Variants in CAMKMT observed in about 807,000 individuals in gnomAD.
CAMKMT encodes the protein CaM KMT.
Under a neutral mutation model 48.0 loss-of-function variants are expected in CAMKMT, and 53 were observed. The ratio of observed to expected loss-of-function variants is 1.10; its 90% CI spans 0.89 to 1.39. The LOEUF (loss-of-function observed/expected upper bound fraction) is 1.39. CAMKMT is among the 40% of genes most tolerant of loss of function. The pLI is 0.00. For missense variants in CAMKMT, 428 were observed against 402.7 expected, an observed-to-expected ratio of 1.06 and a Z score of -0.54; for synonymous variants, 165 against 152.3, an observed-to-expected ratio of 1.08 and a Z score of -0.61.
At chr2:44,427,534 C>G (rs567957766) in intron 3 of CAMKMT, among the ~76,000 whole-genome samples, 3 of 152,136 alleles carry the variant, frequency 2.0e-5, no homozygotes, top group Admixed American at 6.5e-5. Context: ...AAGTGGCCAA[C>G]AAACATGAAA....
At chr2:44,603,810 G>A (rs897853824) in intron 3 of CAMKMT, among the ~76,000 whole-genome samples, 3 of 152,144 alleles carry the variant, frequency 2.0e-5, no homozygotes, top group African/African-American at 4.8e-5. Context: ...TTGAGATGCT[G>A]GCTGGATTCA....
At chr2:44,378,065 A>G (rs1300751123) in intron 2 of CAMKMT, among the ~76,000 whole-genome samples, 1 of 152,246 alleles carries the variant, frequency 6.6e-6, no homozygotes, top group African/African-American at 2.4e-5. Context: ...TTAAAAGCAT[A>G]GTTTTATTGT....
intron 3 of CAMKMT, among the ~76,000 whole-genome samples, chr2:44,634,896 T>C (rs572317202): frequency 1.3e-5 from 2 of 152,200 alleles, no homozygotes; most frequent in South Asian, 4.2e-4. Context: ...GTTTCATTAA[T>C]TAATCATTCA....
chr2:44,627,318 T>C (rs1672537248), intron 3 of CAMKMT, among the ~76,000 whole-genome samples: 1 of 152,212 alleles, frequency 6.6e-6, no homozygotes, highest in African/African-American at 2.4e-5. Context: ...TCTATGTTCA[T>C]ACTAGTTACA....
intron 7 of CAMKMT, among the ~76,000 whole-genome samples, chr2:44,716,984 A>C (rs1678207115): frequency 6.6e-6 from 1 of 152,180 alleles, no homozygotes; most frequent in African/African-American, 2.4e-5. Context: ...CATTTTGAGG[A>C]ACAAAAATGT....
At chr2:44,404,110 G>A (rs888564596) in intron 3 of CAMKMT, among the ~76,000 whole-genome samples, 1 of 152,156 alleles carries the variant, frequency 6.6e-6, no homozygotes, top group African/African-American at 2.4e-5. Context: ...AGGCAGGAGT[G>A]ATGTTTTGTT....
At chr2:44,452,357 AT>A (rs1387472676) in intron 3 of CAMKMT, among the ~76,000 whole-genome samples, 1 of 151,948 alleles carries the variant, frequency 6.6e-6, no homozygotes, top group African/African-American at 2.4e-5. Context: ...TTGAGAGAGA[AT>A]TTTTTCCTTA....
At chr2:44,379,822 A>G (rs1006645450) in intron 2 of CAMKMT, among the ~76,000 whole-genome samples, 1 of 150,074 alleles carries the variant, frequency 6.7e-6, no homozygotes, top group African/African-American at 2.5e-5. Context: ...TGTGTTTTTA[A>G]TTGAGCTGTC....
At chr2:44,526,684 G>A (rs553561708) in intron 3 of CAMKMT, among the ~76,000 whole-genome samples, 1 of 152,102 alleles carries the variant, frequency 6.6e-6, no homozygotes, top group African/African-American at 2.4e-5. Context: ...CAACTGATTG[G>A]ATGATGCCCA....
intron 3 of CAMKMT, among the ~76,000 whole-genome samples, chr2:44,646,690 A>T (rs751358643): frequency 3.3e-5 from 5 of 152,178 alleles, no homozygotes; most frequent in Admixed American, 6.5e-5. Flanking sequence ...GAATCTCAAT[A>T]ATCTTACATT....
intron 3 of CAMKMT, among the ~76,000 whole-genome samples, chr2:44,529,807 T>C (rs1377930831): frequency 1.3e-5 from 2 of 152,248 alleles, no homozygotes; most frequent in African/African-American, 4.8e-5. Flanking sequence ...TGTGGACTTC[T>C]GTTGTTATTT....
At chr2:44,513,181 A>G (rs534255717) in intron 3 of CAMKMT, among the ~76,000 whole-genome samples, 1 of 152,246 alleles carries the variant, frequency 6.6e-6, no homozygotes, top group South Asian at 2.1e-4. Context: ...TGTGTGGCCT[A>G]CTGCAGACAG....
At chr2:44,415,898 A>G (rs116913670) in intron 3 of CAMKMT, among the ~76,000 whole-genome samples, 2 of 152,342 alleles carry the variant, frequency 1.3e-5, no homozygotes, top group East Asian at 3.9e-4. Flanking sequence ...TATGTTTTAA[A>G]TTCAAATATT....
chr2:44,516,028 C>G (rs1453047311), intron 3 of CAMKMT, among the ~76,000 whole-genome samples: 1 of 151,914 alleles, frequency 6.6e-6, no homozygotes, highest in Non-Finnish European at 1.5e-5. Flanking sequence ...TCATTATTAC[C>G]AAGCTTCTGT....
chr2:44,608,720 A>G lies in CAMKMT; in HGVS notation c.377-95563A>G, dbSNP rs111837088. Among the ~76,000 whole-genome samples, 539 of 152,196 alleles carry G rather than the reference A, an allele frequency of 3.5e-3. 4 individuals carry two copies. Among genetic ancestry groups the G allele is most frequent in the African/African-American group, 0.012 (514 of 41,516 alleles). On this transcript the variant is annotated intron_variant, in intron 3 of 10. Coordinates refer to ENST00000378494, the MANE Select transcript of CAMKMT (RefSeq NM_024766.5). Reference sequence around the variant, plus strand: ...AATCAGAATCCACTGTATTTGGCTGATATTTCTCCTGAATCCTTAAACTTA... The same window carrying G: ...AATCAGAATCCACTGTATTTGGCTGGTATTTCTCCTGAATCCTTAAACTTA...
intron 3 of CAMKMT, among the ~76,000 whole-genome samples, chr2:44,681,240 A>C (rs1199027922): frequency 6.6e-6 from 1 of 152,172 alleles, no homozygotes; most frequent in Non-Finnish European, 1.5e-5. Context: ...TTCAGTTGAC[A>C]TCTGTTTCTA....
chr2:44,556,764 C>T lies in CAMKMT; in HGVS notation c.377-147519C>T, dbSNP rs1275997905. Among the ~76,000 whole-genome samples the T allele has an allele frequency of 9.9e-4, 23 of 23,310 alleles. 8 individuals are homozygous for T. Among genetic ancestry groups the T allele is most frequent in the Non-Finnish European group, 2.6e-3 (23 of 8,990 alleles). 15.3% of individuals were successfully genotyped at this position (23,310 alleles called of 152,430 possible). The stretch of plus-strand genomic sequence containing the variant: ...GATTACAGGCGTGAGCCACCGCGCC[C>T]GGCCCTCTTTTTTTTTTTTAAAGGA... On this transcript the variant is annotated intron_variant, in intron 3 of 10. Transcript: ENST00000378494.
intron 3 of CAMKMT, among the ~76,000 whole-genome samples, chr2:44,510,340 T>G (rs1439475071): frequency 2.0e-5 from 3 of 152,202 alleles, no homozygotes; most frequent in Non-Finnish European, 2.9e-5. Context: ...TCATCTGATG[T>G]CTTCTCATGA....
At chr2:44,506,495 G>C (rs1308307996) in intron 3 of CAMKMT, among the ~76,000 whole-genome samples, 3 of 152,052 alleles carry the variant, frequency 2.0e-5, no homozygotes, top group African/African-American at 7.2e-5. Flanking sequence ...GGATAATAGT[G>C]GTTGGTTTTA....
Sources: gnomAD v4.1 joint callset for allele counts (sites outside exome capture counted in the v4.1 genomes callset) on GRCh38, gnomAD v4.1.1 for gene constraint, MANE v1.5 for transcripts, NCBI Gene and HGNC (gene_info 2026-07-23, HGNC 2026-07-21) for gene names.